CNTNAP2: variants seen among roughly 807,000 people sequenced by gnomAD.
CNTNAP2 encodes the protein contactin-associated protein-like 2.
CNTNAP2 carries 98 observed loss-of-function variants against 155.2 expected under a neutral mutation model. The observed-to-expected ratio is 0.63, with a 90% CI of 0.54 to 0.75. CNTNAP2 has a LOEUF of 0.75. Ranked by LOEUF, CNTNAP2 falls within the 30% of genes least tolerant of loss-of-function variation. The pLI is 0.00. For missense variants in CNTNAP2, 1,727 were observed against 1,688.1 expected (o/e 1.02, Z -0.40); for synonymous variants, 651 against 631.2 (o/e 1.03, Z -0.47).
chr7:147,313,925 C>T (rs982325951), intron 9 of CNTNAP2, among the ~76,000 whole-genome samples: 23 of 150,578 alleles, frequency 1.5e-4, no homozygotes, highest in African/African-American at 9.8e-5. Flanking sequence ...TGTTTGTATC[C>T]TCTTTTATTT....
At chr7:147,422,760 A>G (rs1797316314) in intron 10 of CNTNAP2, among the ~76,000 whole-genome samples, 2 of 152,202 alleles carry the variant, frequency 1.3e-5, no homozygotes, top group African/African-American at 2.4e-5. Flanking sequence ...TGGTAAACAT[A>G]TCAGAGTTAC....
chr7:146,760,421 T>TTTTTTTTTTTTTTTTTTTTA (rs1802076053), intron 1 of CNTNAP2, among the ~76,000 whole-genome samples: 1 of 91,982 alleles, frequency 1.1e-5, no homozygotes, highest in Admixed American at 1.0e-4. Context: ...TTTTTTTTTT[T>TTTTTTTTTTTTTTTTTTTTA]TTTTTTTTTT....
intron 13 of CNTNAP2, among the ~76,000 whole-genome samples, chr7:147,709,340 T>G (rs1487920668): frequency 6.6e-6 from 1 of 152,196 alleles, no homozygotes; most frequent in African/African-American, 2.4e-5. Context: ...TTTTCTTTAA[T>G]TGGTTTTACT....
chr7:146,183,366 T>A (rs921190138), intron 1 of CNTNAP2, among the ~76,000 whole-genome samples: 7 of 152,110 alleles, frequency 4.6e-5, no homozygotes, highest in Non-Finnish European at 8.8e-5. Flanking sequence ...TCTCTGAATA[T>A]TGATGAGAAG....
At chr7:147,223,016 C>A (rs1215631352) in intron 8 of CNTNAP2, among the ~76,000 whole-genome samples, 3 of 152,118 alleles carry the variant, frequency 2.0e-5, no homozygotes, top group Non-Finnish European at 4.4e-5. Flanking sequence ...TCATTTTCAT[C>A]TTTTCCTGCT....
At chr7:147,760,670 G>A (rs1176833515) in intron 13 of CNTNAP2, among the ~76,000 whole-genome samples, 2 of 152,122 alleles carry the variant, frequency 1.3e-5, no homozygotes, top group African/African-American at 4.8e-5. Context: ...GAATCTCAAG[G>A]CAAATGGAGA....
chr7:147,080,433 A>C (rs1800099126), intron 4 of CNTNAP2, among the ~76,000 whole-genome samples: 1 of 152,104 alleles, frequency 6.6e-6, no homozygotes, highest in South Asian at 2.1e-4. Flanking sequence ...ATGTTGATTA[A>C]GTGAAGAGAC....
chr7:146,224,582 C>A (rs1400095439), intron 1 of CNTNAP2, among the ~76,000 whole-genome samples: 2 of 31,684 alleles, frequency 6.3e-5, no homozygotes, highest in African/African-American at 2.5e-4. Context: ...CCCGTCTCTA[C>A]AAAAAATACA....
chr7:147,320,931 G>T (rs1016805270), intron 9 of CNTNAP2, among the ~76,000 whole-genome samples: 21 of 152,244 alleles, frequency 1.4e-4, no homozygotes, highest in African/African-American at 4.8e-4. Context: ...TCATTGAAAG[G>T]GCACAAAACT....
intron 1 of CNTNAP2, among the ~76,000 whole-genome samples, chr7:146,264,565 C>T (rs927653757): frequency 1.3e-5 from 2 of 152,052 alleles, no homozygotes; most frequent in South Asian, 2.1e-4. Context: ...AAATAGTTGG[C>T]AAGAATGATG....
intron 1 of CNTNAP2, among the ~76,000 whole-genome samples, chr7:146,259,240 C>G (rs151035871): frequency 6.6e-6 from 1 of 152,132 alleles, no homozygotes; most frequent in Non-Finnish European, 1.5e-5. Flanking sequence ...CAGGTAGTAT[C>G]TTTATAGCAG....
intron 1 of CNTNAP2, among the ~76,000 whole-genome samples, chr7:146,669,541 T>G (rs1800259735): frequency 6.6e-6 from 1 of 152,198 alleles, no homozygotes; most frequent in African/African-American, 2.4e-5. Flanking sequence ...TTACTTTATG[T>G]GTTTTAAGTA....
intron 13 of CNTNAP2, among the ~76,000 whole-genome samples, chr7:147,874,475 G>T (rs1213513840): frequency 2.0e-5 from 3 of 151,844 alleles, no homozygotes; most frequent in African/African-American, 7.3e-5. Flanking sequence ...CTGTACTTTG[G>T]CTCCTTTTAG....
chr7:147,969,028 G>T (rs1033595861), intron 14 of CNTNAP2, among the ~76,000 whole-genome samples: 1 of 152,112 alleles, frequency 6.6e-6, no homozygotes, highest in Non-Finnish European at 1.5e-5. Flanking sequence ...AAAACAGGGG[G>T]ATCTCTTATC....
At chr7:146,324,415 G>C (rs1007820167) in intron 1 of CNTNAP2, among the ~76,000 whole-genome samples, 4 of 152,088 alleles carry the variant, frequency 2.6e-5, no homozygotes, top group Non-Finnish European at 5.9e-5. Context: ...ACACATCATC[G>C]GTGGTAGTTT....
chr7:147,425,260 A>G (rs984711220), intron 10 of CNTNAP2, among the ~76,000 whole-genome samples: 1 of 32,430 alleles, frequency 3.1e-5, no homozygotes, highest in African/African-American at 1.3e-4. Context: ...CACAATGACC[A>G]TTGCCTTTAA....
intron 1 of CNTNAP2, among the ~76,000 whole-genome samples, chr7:146,609,009 T>A (rs895681716): frequency 6.6e-6 from 1 of 152,178 alleles, no homozygotes; most frequent in African/African-American, 2.4e-5. Flanking sequence ...AAATAAGTAG[T>A]ACTATAGAAC....
chr7:147,842,252 G>C (rs1229089465), intron 13 of CNTNAP2, among the ~76,000 whole-genome samples: 1 of 152,196 alleles, frequency 6.6e-6, no homozygotes, highest in South Asian at 2.1e-4. Flanking sequence ...GATCAGAGGA[G>C]AGCATTATCT....
intron 8 of CNTNAP2, among the ~76,000 whole-genome samples, chr7:147,274,853 A>T (rs1804859231): frequency 6.6e-6 from 1 of 151,912 alleles, no homozygotes; most frequent in Non-Finnish European, 1.5e-5. Flanking sequence ...TTTTGTATAT[A>T]GTGAGAGGTA....
Sources: gnomAD v4.1 joint callset for allele counts (sites outside exome capture counted in the v4.1 genomes callset) on GRCh38, gnomAD v4.1.1 for gene constraint, MANE v1.5 for transcripts, NCBI Gene and HGNC (gene_info 2026-07-23, HGNC 2026-07-21) for gene names.